Variants in PLPP1 observed in about 807,000 individuals in gnomAD.
PLPP1 encodes phospholipid phosphatase 1, also known as lipid phosphate phosphohydrolase 1a.
A neutral mutation model predicts 31.2 loss-of-function variants in PLPP1; 24 were observed. The ratio of observed to expected loss-of-function variants is 0.77; its 90% confidence interval spans 0.56 to 1.08. The LOEUF (loss-of-function observed/expected upper bound fraction) is 1.08, where lower values mean the gene tolerates loss of function less well. PLPP1 is among the 50% of genes least tolerant of loss of function. The pLI is 0.00. For missense variants in PLPP1, 319 were observed against 342.7 expected (o/e 0.93, Z 0.55); for synonymous variants, 146 against 126.3 (o/e 1.16, Z -1.05).
rs1355958915 is a variant in PLPP1, at chr5:55,529,790, CTG to C, written c.58+4780_58+4781del. 4.6e-5 allele frequency among the ~76,000 whole-genome samples: 7 copies of C among 152,136 alleles called. No homozygotes were observed. The South Asian group carries it at 6.2e-4, about 14-fold the overall frequency. Reference sequence around the variant, plus strand: ...ATATCACATCGTTCAAAATTTGCTACTGTGTGTTTAATGTGTACAATAATAAA... The same window carrying C: ...ATATCACATCGTTCAAAATTTGCTACTGTGTTTAATGTGTACAATAATAAA... On this transcript the variant is annotated intron_variant, in intron 1 of 5. Coordinates refer to ENST00000307259, the MANE Select transcript of PLPP1 (RefSeq NM_003711.4).
chr5:55,473,507 T>C (rs931255114), intron 2 of PLPP1, among the ~76,000 whole-genome samples: 7 of 152,178 alleles, frequency 4.6e-5, no homozygotes, highest in Non-Finnish European at 1.0e-4. Context: ...TAATAAGGTA[T>C]TACGATCATT....
chr5:55,443,825 A>C lies in PLPP1; in HGVS notation c.492-1917T>G, dbSNP rs772123232. Among the ~76,000 whole-genome samples, 84 of 151,950 alleles carry C rather than the reference A, an allele frequency of 5.5e-4. 1 individual carries two copies. The highest frequency in any genetic ancestry group is 2.6e-3 in the Admixed American group (39 of 15,196). ...GGATTAAAAACAAAGGGGTAATTCT[A>C]TTCAATCTCAGTGTCTATGTCTTTA... On this transcript the variant is annotated intron_variant, in intron 3 of 5. Transcript: ENST00000307259.
intron 2 of PLPP1, among the ~76,000 whole-genome samples, chr5:55,472,636 C>CAG (rs1174820270): frequency 8.8e-6 from 1 of 113,740 alleles, no homozygotes; most frequent in Admixed American, 1.1e-4. Context: ...AAGAAAGAGA[C>CAG]AGAGAGAGAG....
chr5:55,458,757 G>T (rs1024750384), intron 3 of PLPP1, among the ~76,000 whole-genome samples: 2 of 151,518 alleles, frequency 1.3e-5, no homozygotes, highest in Admixed American at 1.3e-4. Context: ...GCGTGGTGGC[G>T]CATGCCTGTA....
At chr5:55,450,506 A>T (rs932179930) in intron 3 of PLPP1, among the ~76,000 whole-genome samples, 4 of 152,218 alleles carry the variant, frequency 2.6e-5, no homozygotes, top group African/African-American at 9.7e-5. Flanking sequence ...TGAAAATAAC[A>T]TGACTGGGAA....
intron 4 of PLPP1, among the ~76,000 whole-genome samples, chr5:55,437,934 T>G (rs2111695254): frequency 6.6e-6 from 1 of 152,336 alleles, no homozygotes; most frequent in Non-Finnish European, 1.5e-5. Flanking sequence ...TATATGAATC[T>G]TAAGGAAAGT....
intron 1 of PLPP1, among the ~76,000 whole-genome samples, chr5:55,528,573 T>C (rs932890022): frequency 6.6e-6 from 1 of 152,208 alleles, no homozygotes; most frequent in Non-Finnish European, 1.5e-5. Flanking sequence ...CCTAATGCCA[T>C]AGTGGCTAAA....
In PLPP1 at chr5:55,425,114, G is replaced by T. The variant is rs1312884595; in HGVS notation, c.*92C>A. The T allele has an allele frequency of 1.4e-6, 2 of 1,474,740 alleles. No individual in the cohort carries two copies. The highest frequency in any genetic ancestry group is 9.1e-7 in the Non-Finnish European group (1 of 1,092,936). 91.4% of individuals were successfully genotyped at this position (1,474,740 alleles called of 1,614,324 possible). On this transcript the variant is annotated 3_prime_UTR_variant, in exon 6 of 6. Coordinates refer to ENST00000307259, the MANE Select transcript of PLPP1 (RefSeq NM_003711.4). ...CAGCAGCAGAAGTCTTTAAAGGCTT[G>T]TACACCAGGAAGAAAGATGCATCCT...
At chr5:55,454,152 G>C (rs1239790056) in intron 3 of PLPP1, among the ~76,000 whole-genome samples, 1 of 152,000 alleles carries the variant, frequency 6.6e-6, no homozygotes, top group Non-Finnish European at 1.5e-5. Context: ...ACATGCAAAA[G>C]TTTATAAACA....
chr5:55,471,330 T>C (rs1752410182), intron 2 of PLPP1, among the ~76,000 whole-genome samples: 1 of 152,002 alleles, frequency 6.6e-6, no homozygotes, highest in South Asian at 2.1e-4. Context: ...GCCTCCTGTG[T>C]AGCCAGGATT....
At chr5:55,432,810 A>G (rs1318761109) in intron 4 of PLPP1, among the ~76,000 whole-genome samples, 1 of 152,124 alleles carries the variant, frequency 6.6e-6, no homozygotes. Context: ...TAAAAAAAAA[A>G]AAAAACCTGT....
intron 4 of PLPP1, among the ~76,000 whole-genome samples, chr5:55,429,357 G>A (rs184527837): frequency 6.6e-6 from 1 of 152,106 alleles, no homozygotes; most frequent in East Asian, 1.9e-4. Context: ...AGAGAATGCT[G>A]GAATTTACCA....
intron 3 of PLPP1, among the ~76,000 whole-genome samples, chr5:55,443,520 T>C (rs1751683355): frequency 6.6e-6 from 1 of 152,146 alleles, no homozygotes; most frequent in Non-Finnish European, 1.5e-5. Context: ...TACAAGTTAA[T>C]AAAAGCCAAT....
At chr5:55,430,427 T>C (rs192064527) in intron 4 of PLPP1, among the ~76,000 whole-genome samples, 2 of 152,336 alleles carry the variant, frequency 1.3e-5, no homozygotes, top group East Asian at 3.9e-4. Flanking sequence ...AATGCTTCAT[T>C]GCAGCAATTA....
intron 1 of PLPP1, among the ~76,000 whole-genome samples, chr5:55,531,844 T>C (rs181828315): frequency 6.6e-6 from 1 of 152,348 alleles, no homozygotes; most frequent in Non-Finnish European, 1.5e-5. Flanking sequence ...ACAGTTGATG[T>C]TGTTAAATGT....
chr5:55,486,041 A>G (rs147129981), intron 1 of PLPP1, among the ~76,000 whole-genome samples: 200 of 152,236 alleles, frequency 1.3e-3, no homozygotes, highest in African/African-American at 4.6e-3. Context: ...AGATTTGTGT[A>G]TGAGAACACC....
intron 1 of PLPP1, among the ~76,000 whole-genome samples, chr5:55,520,722 G>A (rs1158604098): frequency 6.6e-6 from 1 of 152,206 alleles, no homozygotes; most frequent in Non-Finnish European, 1.5e-5. Flanking sequence ...ACAAGTATTT[G>A]AATGGCGATA....
At chr5:55,433,522 C>T (rs1239061421) in intron 4 of PLPP1, among the ~76,000 whole-genome samples, 3 of 111,884 alleles carry the variant, frequency 2.7e-5, no homozygotes, top group Admixed American at 2.0e-4. Flanking sequence ...TTTTTTTTGA[C>T]CGAGTCTCAC....
chr5:55,534,027 G>A (rs1010896812), intron 1 of PLPP1, among the ~76,000 whole-genome samples: 2 of 152,102 alleles, frequency 1.3e-5, no homozygotes, highest in Non-Finnish European at 2.9e-5. Context: ...AACTTCTTTA[G>A]ACCTATACGC....
Sources: gnomAD v4.1 joint callset for allele counts (sites outside exome capture counted in the v4.1 genomes callset) on GRCh38, gnomAD v4.1.1 for gene constraint, MANE v1.5 for transcripts, NCBI Gene and HGNC (gene_info 2026-07-23, HGNC 2026-07-21) for gene names.